The following NDUFA10 variants were observed in gnomAD, a reference collection of about 807,000 sequenced individuals.
NDUFA10 encodes NADH:ubiquinone oxidoreductase subunit A10.
Under a neutral mutation model 47.8 loss-of-function variants are expected in NDUFA10, and 40 were observed. That is an observed-to-expected ratio of 0.84 (90% CI 0.65 to 1.09). The LOEUF is 1.09. NDUFA10 is among the 50% of genes least tolerant of loss of function. The pLI, the probability that NDUFA10 is intolerant of heterozygous loss-of-function variation, is 0.00. For missense variants in NDUFA10, 413 were observed against 451.1 expected (o/e 0.92, Z 0.76); for synonymous variants, 183 against 172.2 (o/e 1.06, Z -0.49).
At chr2:239,915,516 CACACAG>C (rs1201595341) in intron 4 of NDUFA10, among the ~76,000 whole-genome samples, 3 of 140,008 alleles carry the variant, frequency 2.1e-5, no homozygotes, top group Non-Finnish European at 3.1e-5. Flanking sequence ...TATACAGACA[CACACAG>C]ACAGATACAC....
intron 5 of NDUFA10, among the ~76,000 whole-genome samples, chr2:239,893,609 T>G (rs1294084660): frequency 1.3e-5 from 2 of 152,130 alleles, no homozygotes; most frequent in African/African-American, 4.8e-5. Context: ...GCAGAAGAGA[T>G]GGAAGGGGTG....
In NDUFA10 at chr2:239,959,101, G is replaced by C. The variant is rs534978507; in HGVS notation, c.*2017C>G. Reference sequence around the variant, plus strand: ...TTCTCTGCTGAACATGCATGTCATTGAAAACACCAGAAAATCAAACAGACG... The same window carrying C: ...TTCTCTGCTGAACATGCATGTCATTCAAAACACCAGAAAATCAAACAGACG... On this transcript the variant is annotated 3_prime_UTR_variant, in exon 10 of 10. Coordinates refer to ENST00000252711, the MANE Select transcript of NDUFA10 (RefSeq NM_004544.4). The C allele has an allele frequency of 2.0e-5, 20 of 985,362 alleles. No homozygotes were observed. Among genetic ancestry groups the C allele is most frequent in the Non-Finnish European group, 2.2e-5 (18 of 829,954 alleles). The allele number at this position is 985,362 out of a possible 1,614,324, so 61.0% of individuals were successfully genotyped here. A position where few individuals can be genotyped will look rare whatever the true frequency, so the allele number is the denominator to read the frequency against.
chr2:240,025,190 GCC>G, intron 1 of NDUFA10, 35 bp downstream of exon 1: 1 of 352,920 alleles, frequency 2.8e-6, no homozygotes, highest in East Asian at 9.9e-5. Flanking sequence ...CCGCCACCCT[GCC>G]ACCCCGCCAC....
At chr2:239,962,007 G>A (rs923854020) in intron 9 of NDUFA10, among the ~76,000 whole-genome samples, 5 of 152,202 alleles carry the variant, frequency 3.3e-5, no homozygotes, top group Admixed American at 2.6e-4. Context: ...GCCCCTGCCA[G>A]CACAAAGACG....
chr2:239,967,199 T>C (rs112007270), intron 9 of NDUFA10, among the ~76,000 whole-genome samples: 34 of 152,372 alleles, frequency 2.2e-4, no homozygotes, highest in African/African-American at 7.5e-4. Flanking sequence ...GCCAAGATGC[T>C]GCTCCAGATC....
chr2:239,968,992 T>C (rs1485495129), intron 9 of NDUFA10, among the ~76,000 whole-genome samples: 1 of 152,212 alleles, frequency 6.6e-6, no homozygotes, highest in Non-Finnish European at 1.5e-5. Context: ...AGGTTTACAC[T>C]GACTTGCAAG....
rs373538195 is a variant in NDUFA10, at chr2:239,928,184, CA to C, written c.295-32871del. 0.02 allele frequency among the ~76,000 whole-genome samples: 2,982 copies of C among 151,304 alleles called. 28 individuals carry two copies. Among genetic ancestry groups the C allele is most frequent in the Middle Eastern group, 0.038 (11 of 290 alleles). ...TTCCAGGACTTTAAAAAAAAAATAA[CA>C]AAAGAAGAAAACAAATGTAACAGAA... On this transcript the variant is annotated intron_variant, in intron 4 of 5. Transcript: ENST00000419408. This position sits in a 1 kb window ranked among gnomAD's most constrained non-coding sequence, Gnocchi z 4.3.
intron 4 of NDUFA10, among the ~76,000 whole-genome samples, chr2:239,931,035 T>C (rs899298455): frequency 1.3e-5 from 2 of 152,232 alleles, no homozygotes; most frequent in East Asian, 3.9e-4. Context: ...GTTTAGCTTT[T>C]TAGGGCCGTG....
chr2:239,946,575 C>T (rs1477683748), intron 4 of NDUFA10, among the ~76,000 whole-genome samples: 2 of 152,238 alleles, frequency 1.3e-5, no homozygotes, highest in African/African-American at 2.4e-5. Flanking sequence ...CACTCACGGA[C>T]GCTACACCTT....
intron 4 of NDUFA10, among the ~76,000 whole-genome samples, chr2:239,941,483 T>C (rs1017150444): frequency 1.3e-5 from 2 of 149,494 alleles, no homozygotes; most frequent in Admixed American, 6.8e-5. Flanking sequence ...CCCAGCACTT[T>C]GGAAGGCCAA....
At chr2:239,915,617 CACAGACACACACAAATAT>C (rs1415162320) in intron 4 of NDUFA10, among the ~76,000 whole-genome samples, 2 of 149,996 alleles carry the variant, frequency 1.3e-5, no homozygotes, top group Admixed American at 6.6e-5. Flanking sequence ...CACACACATA[CACAGACACACACAAATAT>C]ACAGACACAC....
rs144948126 is a variant in NDUFA10 at position 239,972,345 on chromosome 2, T to C, written c.1000-11159A>G. Among the ~76,000 whole-genome samples the C allele has an allele frequency of 5.6e-3, 851 of 152,212 alleles. 12 individuals are homozygous for C. Among genetic ancestry groups the C allele is most frequent in the African/African-American group, 0.02 (815 of 41,516 alleles). ...GGCTTCACTCTGCTGGGGCAAGCAA[T>C]GGGTTATGCCAAGCATGACTGGCTC... On this transcript the variant is annotated intron_variant, in intron 9 of 9. Transcript: ENST00000252711.
chr2:239,964,775 G>A (rs982226469), intron 9 of NDUFA10, among the ~76,000 whole-genome samples: 6 of 152,170 alleles, frequency 3.9e-5, no homozygotes, highest in Non-Finnish European at 1.5e-5. Flanking sequence ...CGCTGTAGTT[G>A]GTTCCACATC....
At chr2:239,925,792 A>G (rs1694054840) in intron 4 of NDUFA10, among the ~76,000 whole-genome samples, 1 of 152,242 alleles carries the variant, frequency 6.6e-6, no homozygotes, top group Non-Finnish European at 1.5e-5. Context: ...AAATACATAA[A>G]GAAGGTCTCA....
intron 4 of NDUFA10, among the ~76,000 whole-genome samples, chr2:239,943,714 C>T (rs1031541975): frequency 6.6e-6 from 1 of 152,134 alleles, no homozygotes; most frequent in South Asian, 2.1e-4. Flanking sequence ...TCACTCAGCA[C>T]CGACCGCCCC....
chr2:239,937,745 T>C (rs1694289021), intron 4 of NDUFA10, among the ~76,000 whole-genome samples: 2 of 152,190 alleles, frequency 1.3e-5, no homozygotes, highest in South Asian at 4.1e-4. Flanking sequence ...ACCAAGCTGT[T>C]TTCCAAAGCA....
rs1464210062 is a variant in NDUFA10, at chr2:239,960,995, T to C, written c.*123A>G. 2 of 1,550,774 alleles carry C rather than the reference T, an allele frequency of 1.3e-6. No individual in the cohort carries two copies. The highest frequency in any genetic ancestry group is 2.4e-5 in the East Asian group (1 of 40,996). ...GATTGCTTTTTGTGAGACCCCTTCT[T>C]CCACTGTGCAATTTTTGCATTATTT... On this transcript the variant is annotated 3_prime_UTR_variant, in exon 10 of 10. Transcript: ENST00000252711.
intron 9 of NDUFA10, among the ~76,000 whole-genome samples, chr2:239,970,078 C>T (rs535094839): frequency 9.2e-5 from 14 of 152,228 alleles, no homozygotes; most frequent in East Asian, 3.9e-4. Context: ...AAGAAAACCA[C>T]GCAGATGCAT....
rs1486102157 is a variant in NDUFA10, at chr2:239,960,641, C to A, written c.*477G>T. 9.5e-7 allele frequency: 1 copy of A among 1,053,884 alleles called. No individual in the cohort carries two copies. The highest frequency in any genetic ancestry group is 1.2e-6 in the Non-Finnish European group (1 of 869,274). 65.3% of individuals were successfully genotyped at this position (1,053,884 alleles called of 1,614,324 possible). A position where few individuals can be genotyped will look rare whatever the true frequency, so the allele number is the denominator to read the frequency against. On this transcript the variant is annotated 3_prime_UTR_variant, in exon 10 of 10. Transcript: ENST00000252711. ...AAACTCTTCAGCATAATGTAAGCCT[C>A]AATTAAACCACACCACACCAAACAG...
Sources: allele counts gnomAD v4.1 joint callset (sites outside exome capture counted in the v4.1 genomes callset), GRCh38; gene constraint gnomAD v4.1.1; non-coding constraint Gnocchi (gnomAD v3.1); transcripts MANE v1.5; gene names NCBI Gene and HGNC (gene_info 2026-07-23, HGNC 2026-07-21).